Variants in ROBO2 observed in about 807,000 individuals in gnomAD.
ROBO2 encodes the protein roundabout guidance receptor 2, also known as roundabout homolog 2.
A neutral mutation model predicts 160.8 loss-of-function variants in ROBO2; 53 were observed. The observed-to-expected ratio is 0.33, with a 90% confidence interval of 0.26 to 0.41. ROBO2 has a LOEUF of 0.41. ROBO2 is among the 10% of genes least tolerant of loss of function. The pLI is 1.00. For synonymous variants in ROBO2, 664 were observed against 611.7 expected (o/e 1.09, Z -1.26); for missense variants, 1,577 against 1,722.4 (o/e 0.92, Z 1.49).
At chr3:75,957,078 G>A (rs991547564) in intron 2 of ROBO2, among the ~76,000 whole-genome samples, 1 of 151,526 alleles carries the variant, frequency 6.6e-6, no homozygotes, top group Admixed American at 6.6e-5. Context: ...TGATAGTGTT[G>A]CTTAACTTAG....
intron 2 of ROBO2, among the ~76,000 whole-genome samples, chr3:76,757,985 C>T (rs1011645336): frequency 3.3e-5 from 5 of 151,656 alleles, no homozygotes; most frequent in African/African-American, 7.3e-5. Flanking sequence ...TAGGAGGCCA[C>T]GGTGTCTCCA....
intron 21 of ROBO2, among the ~76,000 whole-genome samples, chr3:77,610,651 A>T (rs369139611): frequency 6.8e-6 from 1 of 148,148 alleles, no homozygotes; most frequent in Non-Finnish European, 1.5e-5. Flanking sequence ...GTCTAGCATT[A>T]GAATAGATTG....
rs186341911 is a variant in ROBO2 at position 77,108,759 on chromosome 3, G to A, written c.388+10419G>A. On this transcript the variant is annotated intron_variant, in intron 2 of 25. Coordinates refer to ENST00000461745, the Ensembl canonical transcript of ROBO2. Reference sequence around the variant, plus strand: ...AGTATAAAAGCAAAACCCTGAGGTTGTGCTTGGCCAGATTTCGAGCACAAA... The same window carrying A: ...AGTATAAAAGCAAAACCCTGAGGTTATGCTTGGCCAGATTTCGAGCACAAA... Among the ~76,000 whole-genome samples, 104 of 152,282 alleles carry A rather than the reference G, an allele frequency of 6.8e-4. 1 individual carries two copies. In the East Asian group the frequency reaches 0.015, roughly 21 times the overall value.
chr3:77,100,893 A>G (rs906524001), intron 2 of ROBO2, among the ~76,000 whole-genome samples: 1 of 152,234 alleles, frequency 6.6e-6, no homozygotes, highest in Non-Finnish European at 1.5e-5. Context: ...ATTTAAGGTC[A>G]TTTAAGAATG....
intron 2 of ROBO2, among the ~76,000 whole-genome samples, chr3:77,119,233 A>G (rs747569385): frequency 6.6e-6 from 1 of 152,226 alleles, no homozygotes; most frequent in Admixed American, 6.5e-5. Flanking sequence ...TCTTTTCTTT[A>G]TAAATTACCC....
At chr3:76,921,158 G>A (rs1042226714) in intron 2 of ROBO2, among the ~76,000 whole-genome samples, 21 of 152,270 alleles carry the variant, frequency 1.4e-4, no homozygotes, top group Admixed American at 1.3e-3. Flanking sequence ...TAAATTGATT[G>A]ATGTCATCAC....
At chr3:76,697,402 G>A (rs1485278651) in intron 2 of ROBO2, among the ~76,000 whole-genome samples, 1 of 152,092 alleles carries the variant, frequency 6.6e-6, no homozygotes, top group Non-Finnish European at 1.5e-5. Context: ...CCAGCACTTC[G>A]AGAGTCCAAG....
Position 76,046,508 on chromosome 3 carries a change from G to T in ROBO2, c.109+108906G>T, listed in dbSNP as rs185480328. ...ACTAAAAATACAAAAAATTAGCCGG[G>T]CGTGGTGGCAGCGCCTGCAGTCCCA... On this transcript the variant is annotated intron_variant, in intron 2 of 26. Transcript: ENST00000487694. Among the ~76,000 whole-genome samples, 4 of 151,112 alleles carry T rather than the reference G, an allele frequency of 2.6e-5. No homozygotes were observed. In the East Asian group the frequency reaches 5.8e-4, roughly 22 times the overall value.
intron 2 of ROBO2, among the ~76,000 whole-genome samples, chr3:76,249,325 T>C (rs1446246994): frequency 6.6e-6 from 1 of 152,040 alleles, no homozygotes; most frequent in East Asian, 1.9e-4. Flanking sequence ...ACTGAGATTC[T>C]CAAGGCAGGC....
At chr3:77,636,579 A>T (rs2095267606) in intron 24 of ROBO2, among the ~76,000 whole-genome samples, 1 of 152,036 alleles carries the variant, frequency 6.6e-6, no homozygotes, top group Non-Finnish European at 1.5e-5. Context: ...GCAACAGAGC[A>T]AGACTCCTTC....
chr3:76,318,170 A>G (rs1490263733), intron 2 of ROBO2, among the ~76,000 whole-genome samples: 3 of 152,114 alleles, frequency 2.0e-5, no homozygotes, highest in African/African-American at 2.4e-5. Flanking sequence ...AAAAGTAGGT[A>G]TATTAAAGTA....
At chr3:77,002,869 G>A (rs779045798) in intron 2 of ROBO2, among the ~76,000 whole-genome samples, 1 of 151,976 alleles carries the variant, frequency 6.6e-6, no homozygotes, top group African/African-American at 2.4e-5. Flanking sequence ...AAAGAAAGAG[G>A]CAAATACCTA....
At chr3:77,627,517 T>C (rs2095055934) in intron 23 of ROBO2, among the ~76,000 whole-genome samples, 1 of 152,092 alleles carries the variant, frequency 6.6e-6, no homozygotes, top group Admixed American at 6.6e-5. Flanking sequence ...ACTCGTGACC[T>C]CAGGTGATCT....
At chr3:76,363,797 G>C (rs1678042765) in intron 2 of ROBO2, among the ~76,000 whole-genome samples, 1 of 149,590 alleles carries the variant, frequency 6.7e-6, no homozygotes, top group Non-Finnish European at 1.5e-5. Flanking sequence ...GTGCTTAAGA[G>C]TTTTTTTTTT....
intron 6 of ROBO2, among the ~76,000 whole-genome samples, chr3:77,528,293 A>G (rs1281504797): frequency 6.6e-6 from 1 of 151,650 alleles, no homozygotes; most frequent in Non-Finnish European, 1.5e-5. Flanking sequence ...TTAATATAAC[A>G]AAAAGGTACT....
intron 2 of ROBO2, among the ~76,000 whole-genome samples, chr3:75,991,629 G>T (rs1203011663): frequency 2.0e-5 from 3 of 152,018 alleles, no homozygotes; most frequent in Non-Finnish European, 4.4e-5. Flanking sequence ...ACAGTAAATT[G>T]GTACCAGTAG....
intron 5 of ROBO2, among the ~76,000 whole-genome samples, chr3:77,494,420 T>C (rs773233666): frequency 9.9e-5 from 15 of 151,958 alleles, no homozygotes; most frequent in Non-Finnish European, 1.6e-4. Context: ...CTACTAAAAA[T>C]ACAAAAAGTT....
At chr3:76,211,057 G>A (rs1028184103) in intron 2 of ROBO2, among the ~76,000 whole-genome samples, 7 of 151,956 alleles carry the variant, frequency 4.6e-5, no homozygotes, top group African/African-American at 1.7e-4. Flanking sequence ...TTTGTCACCT[G>A]ATATCAACTT....
At chr3:77,377,386 T>C (rs1037866714) in intron 2 of ROBO2, among the ~76,000 whole-genome samples, 1 of 152,338 alleles carries the variant, frequency 6.6e-6, no homozygotes, top group East Asian at 1.9e-4. Context: ...GGTACATTAG[T>C]TTATTCCCTT....
Sources: gnomAD v4.1 joint callset for allele counts (sites outside exome capture counted in the v4.1 genomes callset) on GRCh38, gnomAD v4.1.1 for gene constraint, MANE v1.5 for transcripts, NCBI Gene and HGNC (gene_info 2026-07-23, HGNC 2026-07-21) for gene names.